Variants in APBA2 observed in about 807,000 individuals in gnomAD.
APBA2 encodes amyloid-beta A4 precursor protein-binding family A member 2.
Under a neutral mutation model 75.0 loss-of-function variants are expected in APBA2, and 30 were observed. That is an observed-to-expected ratio of 0.40 (90% CI 0.30 to 0.54). The LOEUF is 0.54. Among genes scored for constraint, APBA2 ranks in the 20% least tolerant of loss-of-function variants. The pLI, the probability that APBA2 is intolerant of heterozygous loss-of-function variation, is 0.49. For synonymous variants in APBA2, 444 were observed against 409.6 expected (o/e 1.08, Z -1.01); for missense variants, 801 against 1,016.1 (o/e 0.79, Z 2.88).
At chr15:28,889,226 A>G (rs969213407) in intron 1 of APBA2, among the ~76,000 whole-genome samples, 1 of 152,110 alleles carries the variant, frequency 6.6e-6, no homozygotes, top group Non-Finnish European at 1.5e-5. Flanking sequence ...CCTGAAGCCA[A>G]TCTTCCCCTC....
chr15:29,072,649 A>G (rs1046373129), intron 4 of APBA2, among the ~76,000 whole-genome samples: 1 of 152,032 alleles, frequency 6.6e-6, no homozygotes, highest in Non-Finnish European at 1.5e-5. Flanking sequence ...GCCCTCTTGT[A>G]GGGGGAAGGA....
At chr15:29,091,713 T>C (rs4779758) in intron 6 of APBA2, among the ~76,000 whole-genome samples, 100,468 of 152,146 alleles carry the variant, frequency 0.66, 39,270 homozygotes, top group Non-Finnish European at 0.86. Flanking sequence ...GCGGATGTTA[T>C]TGAAGTGGTG....
At chr15:28,911,703 C>T (rs1460953777) in intron 1 of APBA2, among the ~76,000 whole-genome samples, 3 of 152,190 alleles carry the variant, frequency 2.0e-5, no homozygotes, top group East Asian at 3.8e-4. Context: ...ACCCCTACAC[C>T]GTGGCCTTGT....
At chr15:28,933,751 G>GCT (rs1002611239) in intron 2 of APBA2, among the ~76,000 whole-genome samples, 4 of 152,218 alleles carry the variant, frequency 2.6e-5, no homozygotes, top group African/African-American at 9.6e-5. Context: ...TTTCTCCAGA[G>GCT]CACCTCTATC....
At chr15:29,108,436 C>T in intron 13 of APBA2, 47 bp downstream of exon 13, 1 of 1,613,196 alleles carries the variant, frequency 6.2e-7, no homozygotes, top group East Asian at 2.2e-5. Context: ...CTGCAGGGCC[C>T]AGGGAGGGGG....
intron 2 of APBA2, among the ~76,000 whole-genome samples, chr15:28,971,601 G>C (rs1368177403): frequency 6.6e-6 from 1 of 152,218 alleles, no homozygotes; most frequent in Non-Finnish European, 1.5e-5. Context: ...TGGAGGTTTG[G>C]TGTGAAAGGG....
Position 29,049,317 on chromosome 15 carries a change from C to T in APBA2, c.-40-4528C>T, listed in dbSNP as rs535505419. 9.2e-5 allele frequency among the ~76,000 whole-genome samples: 14 copies of T among 152,274 alleles called. No individual in the cohort carries two copies. The South Asian group carries it at 2.7e-3, about 29-fold the overall frequency. Reference sequence around the variant, plus strand: ...GTGGAGAACATGAAGCTGCTCCCTACCTTGTGTGTTTACACTTTCTGATGG... The same window carrying T: ...GTGGAGAACATGAAGCTGCTCCCTATCTTGTGTGTTTACACTTTCTGATGG... On this transcript the variant is annotated intron_variant, in intron 3 of 14. Coordinates refer to ENST00000683413, the MANE Select transcript of APBA2 (RefSeq NM_001353788.2).
In APBA2 at chr15:28,947,381, A is replaced by G. The variant is rs535649849; in HGVS notation, c.-95+25632A>G. Among the ~76,000 whole-genome samples, 5 of 152,250 alleles carry G rather than the reference A, an allele frequency of 3.3e-5. No homozygotes were observed. The East Asian group carries it at 9.7e-4, about 29-fold the overall frequency. On this transcript the variant is annotated intron_variant, in intron 2 of 14. Transcript: ENST00000683413. ...CGTGGCCTGGTGTGTGTGCAGGTGG[A>G]CAGAGGCTGGAGTATCCTTGAGAGG...
chr15:29,047,574 G>T (rs1190880236), intron 3 of APBA2, among the ~76,000 whole-genome samples: 1 of 152,146 alleles, frequency 6.6e-6, no homozygotes, highest in African/African-American at 2.4e-5. Flanking sequence ...GGGCCTCCCT[G>T]ATCTCCCCCT....
At chr15:28,902,111 A>G (rs1184852692) in intron 1 of APBA2, among the ~76,000 whole-genome samples, 1 of 152,030 alleles carries the variant, frequency 6.6e-6, no homozygotes, top group Non-Finnish European at 1.5e-5. Flanking sequence ...CGCTCCTCCA[A>G]TGTGGGCTGC....
rs398043111 is a variant in APBA2, at chr15:28,940,356, C to CAAAAAAAA, written c.-95+18631_-95+18638dup. ...TGAAACCCCGTCTCTACTAAAAATA[C>CAAAAAAAA]AAAAAAAAAAAAAAAAAAAAAAAAA... is the stretch of plus-strand genomic sequence containing the variant. On this transcript the variant is annotated intron_variant, in intron 2 of 14. Coordinates refer to ENST00000683413, the MANE Select transcript of APBA2 (RefSeq NM_001353788.2). Among the ~76,000 whole-genome samples, 340 of 38,500 alleles carry CAAAAAAAA rather than the reference C, an allele frequency of 8.8e-3. 1 individual carries two copies. Among genetic ancestry groups the CAAAAAAAA allele is most frequent in the Non-Finnish European group, 0.012 (214 of 17,238 alleles). 25.3% of individuals were successfully genotyped at this position (38,500 alleles called of 152,430 possible). A position where few individuals can be genotyped will look rare whatever the true frequency, so the allele number is the denominator to read the frequency against.
intron 3 of APBA2, among the ~76,000 whole-genome samples, chr15:29,043,493 G>A (rs190854408): frequency 6.6e-6 from 1 of 152,300 alleles, no homozygotes; most frequent in Admixed American, 6.5e-5. Flanking sequence ...AAGTACTATA[G>A]CCAGGAATGA....
intron 2 of APBA2, among the ~76,000 whole-genome samples, chr15:28,987,412 G>A (rs1230767352): frequency 6.6e-6 from 1 of 152,090 alleles, no homozygotes; most frequent in East Asian, 1.9e-4. Flanking sequence ...GAGGATCCAC[G>A]TCCAAGATCG....
In APBA2 at chr15:28,956,557, T is replaced by C. The variant is rs1340748368; in HGVS notation, c.-95+34808T>C. Among the ~76,000 whole-genome samples, 5 of 152,364 alleles carry C rather than the reference T, an allele frequency of 3.3e-5. No individual in the cohort carries two copies. The East Asian group carries it at 5.8e-4, about 18-fold the overall frequency. ...ATTAAATACTATTTTATTTAAAAAA[T>C]TGTGTAAAATACACATAACATAGGA... On this transcript the variant is annotated intron_variant, in intron 2 of 14. Coordinates refer to ENST00000683413, the MANE Select transcript of APBA2 (RefSeq NM_001353788.2).
intron 1 of APBA2, among the ~76,000 whole-genome samples, chr15:28,917,021 G>C (rs2033715780): frequency 6.6e-6 from 1 of 152,120 alleles, no homozygotes; most frequent in Non-Finnish European, 1.5e-5. Context: ...AAAAGGGAAA[G>C]CTAGCAAAAA....
chr15:28,983,083 T>TG (rs898350422), intron 2 of APBA2, among the ~76,000 whole-genome samples: 1 of 152,184 alleles, frequency 6.6e-6, no homozygotes, highest in African/African-American at 2.4e-5. Flanking sequence ...TGGAGTTAGC[T>TG]GGGGGATCCC....
chr15:29,113,853 C>A, intron 13 of APBA2, 23 bp from the exon 14 acceptor site: 1 of 1,601,400 alleles, frequency 6.2e-7, no homozygotes, highest in South Asian at 1.1e-5. Context: ...AACACGTGTG[C>A]TGACCTGGCC....
chr15:28,938,844 T>C (rs2035026767), intron 2 of APBA2, among the ~76,000 whole-genome samples: 1 of 152,216 alleles, frequency 6.6e-6, no homozygotes, highest in Admixed American at 6.5e-5. Flanking sequence ...TATACATTAT[T>C]AATTGTGGCA....
At chr15:29,105,604 C>T (rs1291433068) in intron 11 of APBA2, 46 bp downstream of exon 11, 1 of 1,604,998 alleles carries the variant, frequency 6.2e-7, no homozygotes, top group Non-Finnish European at 8.5e-7. Flanking sequence ...TTGCCAGCTT[C>T]TGCTCCCTGA....
Sources: allele counts gnomAD v4.1 joint callset (sites outside exome capture counted in the v4.1 genomes callset), GRCh38; gene constraint gnomAD v4.1.1; transcripts MANE v1.5; gene names NCBI Gene and HGNC (gene_info 2026-07-23, HGNC 2026-07-21).